ADGRE1: variants seen among roughly 807,000 people sequenced by gnomAD.
ADGRE1 encodes EGF-like module receptor 1.
In ADGRE1, 82 loss-of-function variants were observed where a neutral mutation model predicts 102.7. The observed-to-expected ratio is 0.80, with a 90% confidence interval of 0.67 to 0.96. The LOEUF is 0.96. ADGRE1 is among the 40% of genes least tolerant of loss of function. The probability of loss-of-function intolerance (pLI) is 0.00; values close to 1 mark genes in which losing one functional copy is unlikely to be tolerated. For synonymous variants in ADGRE1, 398 were observed against 399.6 expected, an observed-to-expected ratio of 1.00 and a Z score of 0.05; for missense variants, 1,032 against 1,085.3, an observed-to-expected ratio of 0.95 and a Z score of 0.69.
At chr19:6,921,977 G>C (rs557957744) in intron 14 of ADGRE1, 94 bp downstream of exon 14, 1 of 1,438,302 alleles carries the variant, frequency 7.0e-7, no homozygotes, top group East Asian at 2.3e-5. Flanking sequence ...GTCTCCCATG[G>C]GGTTGGGTGT....
At chr19:6,932,553 A>G (rs999255693) in intron 17 of ADGRE1, among the ~76,000 whole-genome samples, 3 of 152,172 alleles carry the variant, frequency 2.0e-5, no homozygotes, top group Non-Finnish European at 4.4e-5. Flanking sequence ...TTTTGTAGCG[A>G]GAGGGATTTT....
intron 12 of ADGRE1, 105 bp downstream of exon 12, chr19:6,916,473 A>G (rs1974388639): frequency 4.8e-6 from 7 of 1,447,394 alleles, no homozygotes; most frequent in Non-Finnish European, 6.5e-6. Flanking sequence ...TTGAGAACCA[A>G]TGAGGGTAGA....
rs755312618 is a variant in ADGRE1, at chr19:6,896,435, T to G, written c.132T>G (p.Tyr44Ter). Residue 44 changes from tyrosine to a stop codon, truncating the protein, a stop_gained, in exon 3 of 21, where the codon TAT becomes TAG. Coordinates refer to ENST00000312053, the MANE Select transcript of ADGRE1 (RefSeq NM_001974.5). LOFTEE classifies it high-confidence loss of function. Reference sequence around the variant, plus strand: ...GAGACAGTACCTTGTGCCCAGCTTATGCCACCTGCACCAATACAGTGGACA... The same window carrying G: ...GAGACAGTACCTTGTGCCCAGCTTAGGCCACCTGCACCAATACAGTGGACA... ...NCRDSTLCPA[Y>*]ATCTNTVDSY... 1 of 1,614,148 alleles carries G rather than the reference T, an allele frequency of 6.2e-7. No homozygotes were observed. Among genetic ancestry groups the G allele is most frequent in the South Asian group, 1.1e-5 (1 of 91,072 alleles).
At chr19:6,903,677 G>A in intron 6 of ADGRE1, 133 bp from the exon 7 acceptor site, 1 of 1,149,032 alleles carries the variant, frequency 8.7e-7, no homozygotes. Context: ...TAGATGCAGA[G>A]GGTTCTAGGA....
At position 6,935,065 on chromosome 19, in the gene ADGRE1, C is replaced by A. The variant is rs941915540; in HGVS notation, c.2368C>A (p.Leu790Ile). Reference protein sequence around the residue: ...LSSVNAEVSTLKDTRLLTFKA... With the variant: ...LSSVNAEVSTIKDTRLLTFKA... ...CAGTGTTAATGCCGAAGTCTCAACGCTAAAAGACACCAGGTAAAGCCCTCT... is the reference window on the plus strand; with the variant it reads ...CAGTGTTAATGCCGAAGTCTCAACGATAAAAGACACCAGGTAAAGCCCTCT... Residue 790 changes from leucine to isoleucine, a missense_variant, in exon 18 of 21, where the codon CTA becomes ATA. Transcript: ENST00000312053. 6 of 1,598,222 alleles carry A rather than the reference C, an allele frequency of 3.8e-6. No homozygotes were observed. The Admixed American group carries it at 8.7e-5, about 23-fold the overall frequency.
intron 5 of ADGRE1, among the ~76,000 whole-genome samples, chr19:6,899,964 C>T (rs758869675): frequency 1.3e-5 from 2 of 150,440 alleles, no homozygotes; most frequent in African/African-American, 2.5e-5. Context: ...CCTGGTGGCA[C>T]GTGCCTGTAA....
chr19:6,938,183 C>T (rs1325397706), intron 20 of ADGRE1, among the ~76,000 whole-genome samples: 1 of 151,820 alleles, frequency 6.6e-6, no homozygotes, highest in African/African-American at 2.4e-5. Context: ...ATTAAAAATA[C>T]AAAATTAGCC....
At chr19:6,925,311 C>T (rs1363154995) in intron 15 of ADGRE1, among the ~76,000 whole-genome samples, 3 of 152,078 alleles carry the variant, frequency 2.0e-5, no homozygotes, top group African/African-American at 4.8e-5. Flanking sequence ...TTAGTAGAGA[C>T]GGGGTTTCAC....
At chr19:6,910,371 G>A (rs1283706135) in intron 10 of ADGRE1, among the ~76,000 whole-genome samples, 1 of 151,900 alleles carries the variant, frequency 6.6e-6, no homozygotes, top group Non-Finnish European at 1.5e-5. Context: ...AAAGTCACTT[G>A]GGTCCTGAGC....
chr19:6,901,752 G>A (rs981525383), intron 5 of ADGRE1, 123 bp from the exon 6 acceptor site: 4 of 985,856 alleles, frequency 4.1e-6, no homozygotes, highest in Middle Eastern at 5.5e-4. Context: ...GGGGGAACAT[G>A]GATATTGGGG....
chr19:6,940,257 ACTT>A lies in ADGRE1; in HGVS notation c.*233_*235del. 1 of 592,736 alleles carries A rather than the reference ACTT, an allele frequency of 1.7e-6. No homozygotes were observed. Among genetic ancestry groups the A allele is most frequent in the African/African-American group, 1.9e-5 (1 of 53,746 alleles). The allele number at this position is 592,736 out of a possible 1,614,324, so 36.7% of individuals were successfully genotyped here. ...GACCATTTTATCTTCGTGCTCTGCAACTTCTTCAATTCCAGAGTTTCTGAGAAC... is the reference window on the plus strand; with the variant it reads ...GACCATTTTATCTTCGTGCTCTGCAACTTCAATTCCAGAGTTTCTGAGAAC... On this transcript the variant is annotated 3_prime_UTR_variant, in exon 21 of 21. Coordinates refer to ENST00000312053, the MANE Select transcript of ADGRE1 (RefSeq NM_001974.5).
At chr19:6,915,882 C>T (rs150297552) in intron 11 of ADGRE1, among the ~76,000 whole-genome samples, 191 of 131,626 alleles carry the variant, frequency 1.5e-3, no homozygotes, top group Non-Finnish European at 2.5e-3. Flanking sequence ...GATCGTGCCA[C>T]TGCACACCAG....
intron 2 of ADGRE1, among the ~76,000 whole-genome samples, chr19:6,892,009 G>C (rs1251997917): frequency 6.6e-6 from 1 of 152,130 alleles, no homozygotes; most frequent in African/African-American, 2.4e-5. Context: ...CAGGTACCTA[G>C]TCCCACAAGA....
chr19:6,917,964 G>A (rs1214693784), intron 12 of ADGRE1, among the ~76,000 whole-genome samples: 1 of 152,160 alleles, frequency 6.6e-6, no homozygotes, highest in Admixed American at 6.6e-5. Flanking sequence ...GAGGAAGCCA[G>A]TGGTCTGGGA....
At chr19:6,927,415 A>G (rs1205008065) in intron 16 of ADGRE1, among the ~76,000 whole-genome samples, 11 of 151,864 alleles carry the variant, frequency 7.2e-5, no homozygotes, top group Non-Finnish European at 1.6e-4. Flanking sequence ...GTATTCAGAG[A>G]TGAACAAACA....
chr19:6,918,437 T>C (rs2144968807), intron 12 of ADGRE1, among the ~76,000 whole-genome samples: 1 of 150,438 alleles, frequency 6.6e-6, no homozygotes, highest in East Asian at 2.0e-4. Context: ...CAAGACTCTG[T>C]CTCAAAAAAA....
chr19:6,898,329 C>T (rs571327950), intron 5 of ADGRE1: 1 of 1,596,840 alleles, frequency 6.3e-7, no homozygotes, highest in Admixed American at 1.7e-5. Flanking sequence ...GTTCTCAAAG[C>T]CCCCAGCCCT....
intron 9 of ADGRE1, among the ~76,000 whole-genome samples, chr19:6,907,452 G>GCAA (rs1974008502): frequency 6.6e-6 from 1 of 151,368 alleles, no homozygotes; most frequent in African/African-American, 2.4e-5. Context: ...AATTCTTCCT[G>GCAA]CCTCAGCCTC....
At chr19:6,898,924 T>G (rs986362351) in intron 5 of ADGRE1, among the ~76,000 whole-genome samples, 1 of 152,154 alleles carries the variant, frequency 6.6e-6, no homozygotes, top group Non-Finnish European at 1.5e-5. Flanking sequence ...ACAAAAATTT[T>G]TATCTGGTTT....
Sources: allele counts gnomAD v4.1 joint callset (sites outside exome capture counted in the v4.1 genomes callset), GRCh38; gene constraint gnomAD v4.1.1; transcripts MANE v1.5; gene names NCBI Gene and HGNC (gene_info 2026-07-23, HGNC 2026-07-21).